Variants in PBK observed in about 807,000 individuals in gnomAD.
PBK encodes lymphokine-activated killer T-cell-originated protein kinase.
Under a neutral mutation model 33.5 loss-of-function variants are expected in PBK, and 22 were observed. The ratio of observed to expected loss-of-function variants is 0.66; its 90% CI spans 0.47 to 0.94. PBK has a LOEUF of 0.94. Among genes scored for constraint, PBK ranks in the 40% least tolerant of loss-of-function variants. PBK has a pLI of 0.00. For missense variants in PBK, 376 were observed against 383.4 expected, an observed-to-expected ratio of 0.98 and a Z score of 0.16; for synonymous variants, 129 against 123.8, an observed-to-expected ratio of 1.04 and a Z score of -0.28.
At position 27,810,331 on chromosome 8, in the gene PBK, C is replaced by A; in HGVS notation, c.943G>T (p.Val315Phe). Residue 315 changes from valine (V) to phenylalanine (F), a missense_variant, in exon 8 of 8, where the codon GTT becomes TTT. Val to Phe is a conservative substitution (Grantham distance 50). Coordinates refer to ENST00000301905, the MANE Select transcript of PBK (RefSeq NM_018492.4). The part of the protein sequence containing the change: ...PKDRPSAAHI[V>F]EALETDV ...TAGACATCTGTTTCCAGAGCTTCAA[C>A]AATGTGTGCAGCAGAAGGACGATCT... 2 of 1,612,456 alleles carry A rather than the reference C, an allele frequency of 1.2e-6. No individual in the cohort carries two copies. The highest frequency in any genetic ancestry group is 8.5e-7 in the Non-Finnish European group (1 of 1,178,618).
intron 2 of PBK, among the ~76,000 whole-genome samples, chr8:27,831,320 T>A (rs1806125508): frequency 1.3e-5 from 2 of 151,994 alleles, no homozygotes; most frequent in Non-Finnish European, 2.9e-5. Context: ...ACTGTTGTAC[T>A]CCATTACGGG....
At position 27,822,414 on chromosome 8, in the gene PBK, T is replaced by C; in HGVS notation, c.370A>G (p.Asn124Asp). ...TTATATCGTTCTTCTATTAAGTCAT[T>C]TAGAGACTTTTCACCTCCATATTCC... is the stretch of plus-strand genomic sequence containing the variant. ...AMEYGGEKSLNDLIEERYKAS... is the reference protein window; with the variant it reads ...AMEYGGEKSLDDLIEERYKAS... Residue 124 changes from asparagine (N) to aspartate (D), a missense_variant, in exon 5 of 8, where the codon AAT becomes GAT. By Grantham distance (23) the Asn-to-Asp change is conservative. Coordinates refer to ENST00000301905, the MANE Select transcript of PBK (RefSeq NM_018492.4). 6.2e-7 allele frequency: 1 copy of C among 1,612,646 alleles called. No individual in the cohort carries two copies. Among genetic ancestry groups the C allele is most frequent in the Non-Finnish European group, 8.5e-7 (1 of 1,178,862 alleles).
chr8:27,826,571 C>T (rs1458598051), intron 3 of PBK, among the ~76,000 whole-genome samples: 2 of 108,766 alleles, frequency 1.8e-5, no homozygotes. Flanking sequence ...CCGAGGCGGG[C>T]GGATCACGAG....
intron 6 of PBK, among the ~76,000 whole-genome samples, chr8:27,817,393 A>G (rs1805838416): frequency 6.6e-6 from 1 of 152,064 alleles, no homozygotes; most frequent in Non-Finnish European, 1.5e-5. Context: ...TTCTGGTAGA[A>G]CCTTTCAGAC....
In PBK at chr8:27,810,435, G is replaced by C; in HGVS notation, c.839C>G (p.Pro280Arg). The C allele has an allele frequency of 5.6e-6, 9 of 1,608,454 alleles. No individual in the cohort carries two copies. Among genetic ancestry groups the C allele is most frequent in the Non-Finnish European group, 7.7e-6 (9 of 1,174,934 alleles). Residue 280 changes from proline (P) to arginine (R), a missense_variant, in exon 8 of 8, where the codon CCT (proline) becomes CGT (arginine). By Grantham distance (103) the Pro-to-Arg change is moderately radical. Transcript: ENST00000301905. ...TTCATCCAGTTCTTCCATATTAATA[G>C]GTGGCCTAGTTCCCAACGCTGCATA... ...AYYAALGTRP[P>R]INMEELDESY...
At chr8:27,821,411 G>A (rs968443599) in intron 5 of PBK, among the ~76,000 whole-genome samples, 9 of 151,840 alleles carry the variant, frequency 5.9e-5, no homozygotes, top group African/African-American at 1.7e-4. Context: ...TACAGGTGCC[G>A]CCACCATGCC....
At chr8:27,831,674 TATACA>T (rs57837588) in intron 2 of PBK, among the ~76,000 whole-genome samples, 2,453 of 151,960 alleles carry the variant, frequency 0.016, 60 homozygotes, top group African/African-American at 0.054. Flanking sequence ...ATTAAGAAAA[TATACA>T]ATACTAGTAC....
chr8:27,826,531 G>C (rs1331680289), intron 3 of PBK, among the ~76,000 whole-genome samples: 2 of 146,668 alleles, frequency 1.4e-5, no homozygotes, highest in African/African-American at 5.2e-5. Context: ...TGTTCTTCAA[G>C]ATCAGCTATT....
intron 2 of PBK, 148 bp from the exon 3 acceptor site, chr8:27,828,346 A>G: frequency 2.3e-6 from 1 of 441,722 alleles, no homozygotes; most frequent in Admixed American, 3.6e-5. Flanking sequence ...TTAAATGGGT[A>G]TCTTTTGACC....
chr8:27,815,708 C>T (rs780202349), intron 6 of PBK, among the ~76,000 whole-genome samples: 7 of 152,166 alleles, frequency 4.6e-5, no homozygotes, highest in South Asian at 2.1e-4. Context: ...TCTAAAATAA[C>T]GGCTCCAATT....
intron 4 of PBK, among the ~76,000 whole-genome samples, 166 bp from the exon 5 acceptor site, chr8:27,822,654 C>T (rs1256367239): frequency 6.6e-6 from 1 of 152,120 alleles, no homozygotes; most frequent in African/African-American, 2.4e-5. Context: ...TTTAAAATGC[C>T]TTCAGTGTTT....
intron 6 of PBK, among the ~76,000 whole-genome samples, chr8:27,812,905 AGT>A (rs1217784795): frequency 2.6e-5 from 4 of 152,222 alleles, no homozygotes; most frequent in Non-Finnish European, 4.4e-5. Context: ...TGTGGAAGAC[AGT>A]GTGGCAATCC....
chr8:27,826,209 G>A (rs906858612), intron 3 of PBK, among the ~76,000 whole-genome samples: 1 of 152,080 alleles, frequency 6.6e-6, no homozygotes, highest in Non-Finnish European at 1.5e-5. Context: ...AAATTCTGGA[G>A]GGAAATTGTT....
rs1391894488 is a variant in PBK at position 27,822,960 on chromosome 8, C to T, written c.295+103G>A. ...TTGATACCCATTAAATATCCAGCCC[C>T]ATCCTCTTCATTTCTATTAGTGAAA... On this transcript the variant is annotated intron_variant, in intron 4 of 7. Transcript: ENST00000301905. The T allele has an allele frequency of 4.1e-6, 3 of 731,374 alleles. No individual in the cohort carries two copies. In the Admixed American group the frequency reaches 8.5e-5, roughly 21 times the overall value. The allele number at this position is 731,374 out of a possible 1,614,324, so 45.3% of individuals were successfully genotyped here. A position where few individuals can be genotyped will look rare whatever the true frequency, so the allele number is the denominator to read the frequency against.
Position 27,809,930 on chromosome 8 carries a change from C to A in PBK, c.*375G>T. ...AAACAAATGTAGACTTTATTTTGTA[C>A]TGTACAAAGTGCTAATGTCAGTAGA... On this transcript the variant is annotated 3_prime_UTR_variant, in exon 8 of 8. Transcript: ENST00000301905. 5.6e-6 allele frequency: 1 copy of A among 178,828 alleles called. No individual in the cohort carries two copies. The highest frequency in any genetic ancestry group is 1.2e-5 in the Non-Finnish European group (1 of 86,570). 11.1% of individuals were successfully genotyped at this position (178,828 alleles called of 1,614,324 possible).
Position 27,820,655 on chromosome 8 carries a change from TTA to T in PBK, c.503_504del (p.Ile168LysfsTer8), listed in dbSNP as rs1684162275. ...HQEKKLLHGD[I>X]KSSNVVIKGD... ...CCTTTAATTACAACATTTGAAGACT[TTA>T]TGTCTCCATGAAGCAGTTTCTTTTC... is the stretch of plus-strand genomic sequence containing the variant. On this transcript the variant is annotated frameshift_variant, in exon 6 of 8. Coordinates refer to ENST00000301905, the MANE Select transcript of PBK (RefSeq NM_018492.4). LOFTEE classifies it high-confidence loss of function. 1.9e-6 allele frequency: 3 copies of T among 1,568,774 alleles called. No individual in the cohort carries two copies. Among genetic ancestry groups the T allele is most frequent in the East Asian group, 2.2e-5 (1 of 44,546 alleles).
intron 3 of PBK, among the ~76,000 whole-genome samples, chr8:27,824,149 A>G (rs1285381204): frequency 6.6e-6 from 1 of 152,176 alleles, no homozygotes; most frequent in African/African-American, 2.4e-5. Context: ...AAGTTGATCT[A>G]AACTATTCTT....
intron 6 of PBK, 95 bp from the exon 7 acceptor site, chr8:27,811,229 T>A: frequency 9.8e-7 from 1 of 1,024,440 alleles, no homozygotes; most frequent in Non-Finnish European, 1.5e-6. Context: ...GAACAAGTAG[T>A]TCACAGGTTA....
At chr8:27,824,399 A>G (rs914571407) in intron 3 of PBK, among the ~76,000 whole-genome samples, 8 of 152,150 alleles carry the variant, frequency 5.3e-5, no homozygotes, top group Non-Finnish European at 1.0e-4. Context: ...CATTAAAAAG[A>G]CTAATAGAAA....
Sources: allele counts gnomAD v4.1 joint callset (sites outside exome capture counted in the v4.1 genomes callset), GRCh38; gene constraint gnomAD v4.1.1; transcripts MANE v1.5; gene names NCBI Gene and HGNC (gene_info 2026-07-23, HGNC 2026-07-21).